NFIB: variants seen among roughly 807,000 people sequenced by gnomAD.
NFIB encodes the protein nuclear factor I B.
NFIB carries 11 observed loss-of-function variants against 61.5 expected under a neutral mutation model. The ratio of observed to expected loss-of-function variants is 0.18; its 90% confidence interval spans 0.11 to 0.30. The LOEUF is 0.30. NFIB is among the 10% of genes least tolerant of loss of function. The pLI is 1.00. For missense variants in NFIB, 471 were observed against 608.9 expected (o/e 0.77, Z 2.38); for synonymous variants, 260 against 216.5 (o/e 1.20, Z -1.76).
At chr9:14,444,867 A>G in the NFIB span, among the ~76,000 whole-genome samples, 1 of 152,214 alleles carries the variant, frequency 6.6e-6, no homozygotes, top group Non-Finnish European at 1.5e-5. Flanking sequence ...CCAAGAGGCA[A>G]CTAATATCCT....
chr9:14,477,159 G>A, the NFIB span, among the ~76,000 whole-genome samples: 3 of 152,168 alleles, frequency 2.0e-5, no homozygotes, highest in African/African-American at 7.2e-5. Context: ...CATTCTGCCT[G>A]AGGCAGTGTG....
Position 14,231,134 on chromosome 9 carries a change from AAATAT to A in NFIB, c.563-51359_563-51355del, listed in dbSNP as rs1399197554. On this transcript the variant is annotated intron_variant, in intron 2 of 10. Transcript: ENST00000380953. ...TTTTCCATGGGGAAAAAAAAAAAAA[AAATAT>A]ATATATATATATATATATATATATA... Among the ~76,000 whole-genome samples, 525 of 73,820 alleles carry A rather than the reference AAATAT, an allele frequency of 7.1e-3. 1 individual carries two copies. Among genetic ancestry groups the A allele is most frequent in the African/African-American group, 0.017 (260 of 15,474 alleles). The allele number at this position is 73,820 out of a possible 152,430, so 48.4% of individuals were successfully genotyped here.
the NFIB span, among the ~76,000 whole-genome samples, chr9:14,462,055 C>G: frequency 6.6e-6 from 1 of 152,170 alleles, no homozygotes; most frequent in African/African-American, 2.4e-5. Flanking sequence ...GTCCTAACAC[C>G]TTTTCTTAAA....
chr9:14,391,633 A>G (rs979075208), intron 1 of NFIB, among the ~76,000 whole-genome samples: 1 of 152,114 alleles, frequency 6.6e-6, no homozygotes, highest in Admixed American at 6.5e-5. Flanking sequence ...CACACGTACA[A>G]CTTCAGTAAA....
chr9:14,490,959 A>T, the NFIB span, among the ~76,000 whole-genome samples: 769 of 152,286 alleles, frequency 5.0e-3, 26 homozygotes, highest in East Asian at 0.052. Context: ...TAATAGCAAA[A>T]ACTGGAAACA....
chr9:14,192,394 C>G (rs937928642), intron 2 of NFIB, among the ~76,000 whole-genome samples: 8 of 152,126 alleles, frequency 5.3e-5, no homozygotes, highest in African/African-American at 1.9e-4. Flanking sequence ...CAAACAATTG[C>G]TTTGAATCTT....
chr9:14,195,448 G>A (rs900075805), intron 2 of NFIB, among the ~76,000 whole-genome samples: 3 of 152,190 alleles, frequency 2.0e-5, no homozygotes, highest in Non-Finnish European at 2.9e-5. Context: ...CTAATTTTGT[G>A]AGCACACGAA....
At chr9:14,287,312 T>C (rs1290963018) in intron 2 of NFIB, among the ~76,000 whole-genome samples, 2 of 150,200 alleles carry the variant, frequency 1.3e-5, no homozygotes, top group African/African-American at 4.9e-5. Flanking sequence ...GCACCTGTAG[T>C]CCCAGCTACT....
chr9:14,202,243 A>G (rs1486476171), intron 2 of NFIB, among the ~76,000 whole-genome samples: 1 of 152,154 alleles, frequency 6.6e-6, no homozygotes, highest in Non-Finnish European at 1.5e-5. Flanking sequence ...AAAGCCACAG[A>G]CTGCAAAAGC....
intron 2 of NFIB, among the ~76,000 whole-genome samples, chr9:14,241,091 A>C (rs567691490): frequency 6.6e-6 from 1 of 152,226 alleles, no homozygotes; most frequent in Non-Finnish European, 1.5e-5. Flanking sequence ...GCAAGAATAC[A>C]CTCAGGCACC....
intron 10 of NFIB, among the ~76,000 whole-genome samples, chr9:14,106,641 AGAT>A: frequency 6.6e-6 from 1 of 152,254 alleles, no homozygotes; most frequent in East Asian, 1.9e-4. Flanking sequence ...GAAACACCTA[AGAT>A]TTGGATCATT....
the NFIB span, among the ~76,000 whole-genome samples, chr9:14,466,202 C>A: frequency 6.6e-6 from 1 of 152,136 alleles, no homozygotes; most frequent in Non-Finnish European, 1.5e-5. Flanking sequence ...ATGGTGCAAG[C>A]TGAGGCAAGG....
intron 6 of NFIB, among the ~76,000 whole-genome samples, chr9:14,129,260 TTTAA>T (rs1363363316): frequency 1.8e-4 from 27 of 151,960 alleles, no homozygotes; most frequent in Admixed American, 5.2e-4. Context: ...AGAATATAGG[TTTAA>T]TTGCCTTTGT....
chr9:14,332,909 G>A (rs1370212768), intron 1 of NFIB, among the ~76,000 whole-genome samples: 2 of 152,224 alleles, frequency 1.3e-5, no homozygotes, highest in Non-Finnish European at 2.9e-5. Context: ...GAGGTCGGAA[G>A]GGTGGTCTGA....
chr9:14,187,809 A>C (rs919868444), intron 2 of NFIB, among the ~76,000 whole-genome samples: 1 of 152,206 alleles, frequency 6.6e-6, no homozygotes, highest in Non-Finnish European at 1.5e-5. Context: ...TATATCAAAA[A>C]AAATCAAAGC....
At chr9:14,488,058 G>A in the NFIB span, among the ~76,000 whole-genome samples, 1 of 152,134 alleles carries the variant, frequency 6.6e-6, no homozygotes, top group Non-Finnish European at 1.5e-5. Flanking sequence ...AGACTTAAAT[G>A]TATCTGGATT....
intron 7 of NFIB, among the ~76,000 whole-genome samples, chr9:14,125,430 A>G (rs10961383): frequency 0.051 from 7,693 of 152,306 alleles, 431 homozygotes; most frequent in South Asian, 0.14. Context: ...TGCTGGGATT[A>G]CAGGCGTGAG....
intron 10 of NFIB, among the ~76,000 whole-genome samples, chr9:14,110,294 C>T (rs1000343944): frequency 6.6e-6 from 1 of 152,048 alleles, no homozygotes; most frequent in Non-Finnish European, 1.5e-5. Context: ...CAAAACTACA[C>T]ATCAGTACTT....
intron 6 of NFIB, among the ~76,000 whole-genome samples, chr9:14,134,724 C>A (rs1386979613): frequency 6.6e-6 from 1 of 151,660 alleles, no homozygotes; most frequent in East Asian, 1.9e-4. Context: ...TGGCGAATCC[C>A]CATCTCTACT....
Sources: gnomAD v4.1 joint callset for allele counts (sites outside exome capture counted in the v4.1 genomes callset) on GRCh38, gnomAD v4.1.1 for gene constraint, MANE v1.5 for transcripts, NCBI Gene and HGNC (gene_info 2026-07-23, HGNC 2026-07-21) for gene names.